Variants in ZNF273 observed in about 807,000 individuals in gnomAD.
ZNF273 encodes zinc finger protein 9.
In ZNF273, 11 loss-of-function variants were observed where a neutral mutation model predicts 14.9. The ratio of observed to expected loss-of-function variants is 0.74; its 90% CI spans 0.46 to 1.22. The LOEUF is 1.22. Ranked by LOEUF, ZNF273 falls within the 50% of genes most tolerant of loss-of-function variation. ZNF273 has a pLI of 0.00. For missense variants in ZNF273, 577 were observed against 660.6 expected (o/e 0.87, Z 1.39); for synonymous variants, 199 against 223.9 (o/e 0.89, Z 0.99).
chr7:64,935,921 C>T (rs1039078540), downstream of ZNF273, among the ~76,000 whole-genome samples: 5 of 152,130 alleles, frequency 3.3e-5, no homozygotes, highest in Non-Finnish European at 7.4e-5. Flanking sequence ...AATAGCTTTG[C>T]ATAATTGCCA....
downstream of ZNF273, chr7:64,893,693 TCCCC>T (rs1792184934): frequency 4.3e-5 from 1 of 23,018 alleles, no homozygotes; most frequent in Non-Finnish European, 8.3e-5. Flanking sequence ...CCCCTCCCCC[TCCCC>T]TCCCCCTCCC....
At chr7:64,912,957 T>C (rs1297890672) in intron 1 of ZNF273, among the ~76,000 whole-genome samples, 1 of 151,554 alleles carries the variant, frequency 6.6e-6, no homozygotes. Flanking sequence ...GCCTCCCAAG[T>C]AGCTGGGACT....
intron 1 of ZNF273, among the ~76,000 whole-genome samples, chr7:64,905,420 C>CTT (rs34374261): frequency 4.6e-4 from 39 of 84,218 alleles, no homozygotes; most frequent in African/African-American, 6.2e-4. Flanking sequence ...GCTGGCCACA[C>CTT]TTTTTTTTTT....
In ZNF273 at chr7:64,928,842, A is replaced by G; in HGVS notation, c.1514A>G (p.Lys505Arg). 6.2e-7 allele frequency: 1 copy of G among 1,613,962 alleles called. No individual in the cohort carries two copies. Among genetic ancestry groups the G allele is most frequent in the African/African-American group, 1.3e-5 (1 of 75,038 alleles). ...FNWSSTLTKH[K>R]RIHTGEKPYK... Reference sequence around the variant, plus strand: ...TGGTCCTCAACTCTTACTAAACATAAGAGAATTCATACTGGAGAGAAGCCC... The same window carrying G: ...TGGTCCTCAACTCTTACTAAACATAGGAGAATTCATACTGGAGAGAAGCCC... Residue 505 changes from lysine to arginine, a missense_variant, in exon 4 of 4, where the codon AAG (lysine) becomes AGG (arginine). Lys to Arg is a conservative substitution (Grantham distance 26, BLOSUM62 2). Transcript: ENST00000476120.
chr7:64,890,217 T>TGAGAGAGAGAGAGA (rs768884417), downstream of ZNF273: 1 of 19,910 alleles, frequency 5.0e-5, no homozygotes, highest in Non-Finnish European at 1.5e-4. Context: ...TGTGTGTGTG[T>TGAGAGAGAGAGAGA]GTGTGAGAGA....
intron 1 of ZNF273, among the ~76,000 whole-genome samples, chr7:64,886,295 C>G (rs1297493000): frequency 6.6e-6 from 1 of 152,012 alleles, no homozygotes; most frequent in Non-Finnish European, 1.5e-5. Flanking sequence ...GTTACTTCAC[C>G]TTACTGAGCT....
chr7:64,878,125 G>A (rs1791163350), intron 1 of ZNF273, among the ~76,000 whole-genome samples: 1 of 152,220 alleles, frequency 6.6e-6, no homozygotes, highest in Non-Finnish European at 1.5e-5. Context: ...CTTTTGAGTC[G>A]GCTGACCTTT....
intron 1 of ZNF273, among the ~76,000 whole-genome samples, chr7:64,916,523 C>T (rs543970603): frequency 7.6e-4 from 76 of 99,694 alleles, no homozygotes; most frequent in African/African-American, 2.6e-3. Context: ...CTAGCCTGGG[C>T]AAGGGAGCAA....
At position 64,911,329 on chromosome 7, in the gene ZNF273, T is replaced by C. The variant is rs116342454; in HGVS notation, c.103-6252T>C. Reference sequence around the variant, plus strand: ...TTTCACTCTGGTTGCAATGGCATGATCTCAGCTCACTGCAGCCTCTGCCTC... The same window carrying C: ...TTTCACTCTGGTTGCAATGGCATGACCTCAGCTCACTGCAGCCTCTGCCTC... On this transcript the variant is annotated intron_variant, in intron 1 of 3. Coordinates refer to ENST00000476120, the MANE Select transcript of ZNF273 (RefSeq NM_021148.3). 9.1e-3 allele frequency among the ~76,000 whole-genome samples: 1,377 copies of C among 151,672 alleles called. 15 individuals carry two copies. Among genetic ancestry groups the C allele is most frequent in the African/African-American group, 0.032 (1,308 of 41,296 alleles).
At chr7:64,884,340 A>G (rs569486609), downstream of ZNF273, among the ~76,000 whole-genome samples, 1 of 152,216 alleles carries the variant, frequency 6.6e-6, no homozygotes, top group East Asian at 1.9e-4. Context: ...AAACCCTCTC[A>G]TTCTCCCATT....
intron 1 of ZNF273, among the ~76,000 whole-genome samples, chr7:64,908,328 G>A (rs569318412): frequency 6.6e-6 from 1 of 152,354 alleles, no homozygotes; most frequent in Non-Finnish European, 1.5e-5. Flanking sequence ...GCTTTGGTGT[G>A]CAGATTATTT....
At position 64,927,967 on chromosome 7, in the gene ZNF273, A is replaced by G; in HGVS notation, c.639A>G (p.Lys213=). The change falls in exon 4 of 4, where the codon AAA becomes AAG. Residue 213 remains lysine, a synonymous_variant. Coordinates refer to ENST00000476120, the MANE Select transcript of ZNF273 (RefSeq NM_021148.3). ...CTTTCAAATGTAAAGAATGTGGCAA[A>G]TCATGTTGCATACTTTCACAACTAA... The part of the protein sequence containing the change: ...KKPFKCKECG[K]SCCILSQLTQ... 6.2e-7 allele frequency: 1 copy of G among 1,613,984 alleles called. No individual in the cohort carries two copies. Among genetic ancestry groups the G allele is most frequent in the Non-Finnish European group, 8.5e-7 (1 of 1,179,938 alleles).
chr7:64,931,888 G>A (rs4717226), downstream of ZNF273, among the ~76,000 whole-genome samples: 86,530 of 151,948 alleles, frequency 0.57, 24,895 homozygotes, highest in East Asian at 0.7. Context: ...TCCAGGCTGC[G>A]AAGCTGAATT....
intron 1 of ZNF273, among the ~76,000 whole-genome samples, chr7:64,911,801 C>T (rs1583990062): frequency 6.6e-6 from 1 of 151,836 alleles, no homozygotes; most frequent in East Asian, 1.9e-4. Context: ...TTCTCTTATT[C>T]TTTTATTTGT....
intron 1 of ZNF273, 49 bp from the exon 2 acceptor site, chr7:64,917,532 T>C (rs1483045849): frequency 6.4e-7 from 1 of 1,567,154 alleles, no homozygotes; most frequent in Non-Finnish European, 8.7e-7. Context: ...TTAAATATTC[T>C]GTCCAGAGCA....
downstream of ZNF273, chr7:64,889,122 A>C: frequency 1.0e-6 from 1 of 985,936 alleles, no homozygotes; most frequent in Non-Finnish European, 1.2e-6. The surrounding 1 kb of genome is among the most constrained non-coding windows in gnomAD (Gnocchi z 4.2). Context: ...CCAAGCAGGG[A>C]TCCGGGCCTC....
intron 1 of ZNF273, among the ~76,000 whole-genome samples, chr7:64,908,184 A>T (rs1793251431): frequency 6.6e-6 from 1 of 152,256 alleles, no homozygotes; most frequent in Non-Finnish European, 1.5e-5. Context: ...CTGGGCCACT[A>T]TCTGATAGCA....
chr7:64,914,187 T>G lies in ZNF273; in HGVS notation c.103-3394T>G, dbSNP rs112542977. Among the ~76,000 whole-genome samples the G allele has an allele frequency of 2.3e-4, 28 of 124,210 alleles. 1 individual carries two copies. The highest frequency in any genetic ancestry group is 8.4e-4 in the African/African-American group (28 of 33,408). 81.5% of individuals were successfully genotyped at this position (124,210 alleles called of 152,430 possible). On this transcript the variant is annotated intron_variant, in intron 1 of 3. Coordinates refer to ENST00000476120, the MANE Select transcript of ZNF273 (RefSeq NM_021148.3). Reference sequence around the variant, plus strand: ...TACGTCCTGGTAATTTTTGTATTTTTTTTTTTTTTTTTTTTTTTTTTAGTA... The same window carrying G: ...TACGTCCTGGTAATTTTTGTATTTTGTTTTTTTTTTTTTTTTTTTTTAGTA...
Position 64,887,107 on chromosome 7 carries a change from G to A in ZNF273, n.274-1466G>A, listed in dbSNP as rs10255876. On this transcript the variant is annotated intron_variant and non_coding_transcript_variant, in intron 1 of 1. Coordinates refer to the ZNF273 transcript ENST00000471926. ...CTATGGAGACTACTTTTCCATGGTC[G>A]GTACTTGGTTTGGACTGAGGTCTCA... Among the ~76,000 whole-genome samples, 891 of 152,296 alleles carry A rather than the reference G, an allele frequency of 5.9e-3. 1 individual carries two copies. Among genetic ancestry groups the A allele is most frequent in the African/African-American group, 0.02 (825 of 41,548 alleles).
Sources: gnomAD v4.1 joint callset for allele counts (sites outside exome capture counted in the v4.1 genomes callset) on GRCh38, gnomAD v4.1.1 for gene constraint, Gnocchi (gnomAD v3.1) non-coding constraint, MANE v1.5 for transcripts, NCBI Gene and HGNC (gene_info 2026-07-23, HGNC 2026-07-21) for gene names.